LRP1B: variants seen among roughly 807,000 people sequenced by gnomAD.
LRP1B encodes LDL receptor related protein 1B.
A neutral mutation model predicts 556.6 loss-of-function variants in LRP1B; 217 were observed. That is an observed-to-expected ratio of 0.39 (90% CI 0.35 to 0.44). LRP1B has a LOEUF of 0.44. LRP1B is among the 20% of genes least tolerant of loss of function. The pLI is 1.00. For synonymous variants in LRP1B, 2,047 were observed against 1,865.8 expected, an observed-to-expected ratio of 1.10 and a Z score of -2.50; for missense variants, 5,053 against 5,620.8, an observed-to-expected ratio of 0.90 and a Z score of 3.23.
At chr2:141,219,018 A>T (rs1349606777) in intron 6 of LRP1B, among the ~76,000 whole-genome samples, 1 of 152,222 alleles carries the variant, frequency 6.6e-6, no homozygotes, top group East Asian at 1.9e-4. Context: ...CAAGGGAGGC[A>T]GTGAGTAACT....
intron 3 of LRP1B, among the ~76,000 whole-genome samples, chr2:141,328,316 A>G (rs1330811317): frequency 6.6e-6 from 1 of 152,110 alleles, no homozygotes; most frequent in Non-Finnish European, 1.5e-5. Context: ...AAAATCCAAA[A>G]GAAGGAAGCC....
At chr2:141,424,672 C>T (rs1264010621) in intron 3 of LRP1B, among the ~76,000 whole-genome samples, 1 of 152,098 alleles carries the variant, frequency 6.6e-6, no homozygotes, top group Non-Finnish European at 1.5e-5. Context: ...TTAATTCTAG[C>T]ACTATATTAA....
At chr2:141,353,753 C>T (rs1189491662) in intron 3 of LRP1B, among the ~76,000 whole-genome samples, 2 of 151,912 alleles carry the variant, frequency 1.3e-5, no homozygotes, top group Non-Finnish European at 2.9e-5. Context: ...CTTATACTTA[C>T]TCTTCAAGGG....
intron 2 of LRP1B, among the ~76,000 whole-genome samples, chr2:141,594,840 G>A (rs927390782): frequency 6.6e-6 from 1 of 152,002 alleles, no homozygotes; most frequent in Non-Finnish European, 1.5e-5. Flanking sequence ...TCTTAAATAT[G>A]AACAAAGATA....
rs66596182 is a variant in LRP1B, at chr2:140,291,298, T to TTATATATATATA, written c.12967+6498_12967+6509dup. On this transcript the variant is annotated intron_variant, in intron 84 of 90. Coordinates refer to ENST00000389484, the MANE Select transcript of LRP1B (RefSeq NM_018557.3). ...AGATACCACTTCAAGAAATTTTATT[T>TTATATATATATA]TATATATATATATATATATATTTTT... is the stretch of plus-strand genomic sequence containing the variant. 1.8e-4 allele frequency among the ~76,000 whole-genome samples: 13 copies of TTATATATATATA among 72,000 alleles called. 1 individual carries two copies. The highest frequency in any genetic ancestry group is 4.0e-4 in the East Asian group (1 of 2,470). 47.2% of individuals were successfully genotyped at this position (72,000 alleles called of 152,430 possible). A position where few individuals can be genotyped will look rare whatever the true frequency, so the allele number is the denominator to read the frequency against.
intron 43 of LRP1B, among the ~76,000 whole-genome samples, chr2:140,565,157 GTAA>G (rs1247639399): frequency 7.4e-6 from 1 of 135,536 alleles, no homozygotes; most frequent in African/African-American, 2.6e-5. Context: ...TGTTTATTAC[GTAA>G]TAATATATAA....
At chr2:141,510,234 A>ACAC (rs767916859) in intron 2 of LRP1B, among the ~76,000 whole-genome samples, 5 of 145,282 alleles carry the variant, frequency 3.4e-5, no homozygotes, top group Admixed American at 6.9e-5. Flanking sequence ...ACACACACAC[A>ACAC]CCCCCCACAG....
chr2:140,394,206 GTT>G (rs1684155004), intron 66 of LRP1B, among the ~76,000 whole-genome samples: 1 of 105,162 alleles, frequency 9.5e-6, no homozygotes, highest in Non-Finnish European at 2.0e-5. Context: ...TTTCATTTTT[GTT>G]TTGTTTTTTG....
At chr2:141,598,679 A>T (rs1037461207) in intron 2 of LRP1B, among the ~76,000 whole-genome samples, 1 of 152,156 alleles carries the variant, frequency 6.6e-6, no homozygotes, top group African/African-American at 2.4e-5. Flanking sequence ...TAATGAACTT[A>T]TATTTCTTTA....
intron 66 of LRP1B, among the ~76,000 whole-genome samples, chr2:140,419,487 A>T (rs1049054826): frequency 6.6e-6 from 1 of 152,238 alleles, no homozygotes; most frequent in African/African-American, 2.4e-5. Flanking sequence ...AGTCCACCCA[A>T]GAACATCATA....
intron 48 of LRP1B, 91 bp from the exon 49 acceptor site, chr2:140,526,084 T>C (rs1690419722): frequency 7.0e-7 from 1 of 1,423,212 alleles, no homozygotes; most frequent in Non-Finnish European, 9.7e-7. Context: ...AAAAGTTAAC[T>C]TCATTTGAGG....
chr2:141,828,805 G>T (rs1697018787), intron 1 of LRP1B, among the ~76,000 whole-genome samples: 1 of 152,032 alleles, frequency 6.6e-6, no homozygotes, highest in African/African-American at 2.4e-5. Context: ...AAGTTAACTG[G>T]TTAATCGGAA....
At chr2:141,476,475 G>A (rs1682709827) in intron 3 of LRP1B, among the ~76,000 whole-genome samples, 1 of 152,064 alleles carries the variant, frequency 6.6e-6, no homozygotes, top group African/African-American at 2.4e-5. Context: ...TGTGTAGAAA[G>A]AGATTAACTT....
intron 1 of LRP1B, among the ~76,000 whole-genome samples, chr2:141,842,093 T>C (rs1313846921): frequency 2.0e-5 from 3 of 152,254 alleles, no homozygotes; most frequent in Non-Finnish European, 4.4e-5. Context: ...AGTTGGTTGC[T>C]AACTGGACGA....
intron 7 of LRP1B, among the ~76,000 whole-genome samples, chr2:141,146,475 G>T (rs559957069): frequency 7.9e-5 from 12 of 152,206 alleles, no homozygotes; most frequent in African/African-American, 2.4e-4. Flanking sequence ...AGATTAACTG[G>T]CAATTTTTCA....
At chr2:140,805,976 T>C (rs2105019074) in intron 32 of LRP1B, among the ~76,000 whole-genome samples, 1 of 152,188 alleles carries the variant, frequency 6.6e-6, no homozygotes, top group African/African-American at 2.4e-5. Context: ...AATTGAAGAG[T>C]GGGATCTTTG....
intron 18 of LRP1B, among the ~76,000 whole-genome samples, chr2:140,979,537 G>A (rs1696702994): frequency 6.6e-6 from 1 of 152,036 alleles, no homozygotes; most frequent in Non-Finnish European, 1.5e-5. Context: ...TCCACATTCA[G>A]AGAATCATGT....
At chr2:140,311,759 T>C (rs909488837) in intron 83 of LRP1B, among the ~76,000 whole-genome samples, 8 of 151,872 alleles carry the variant, frequency 5.3e-5, no homozygotes, top group African/African-American at 1.9e-4. Flanking sequence ...TTAAGGGAGC[T>C]AGGATGCAAA....
At chr2:140,976,160 T>G (rs1183384688) in intron 18 of LRP1B, among the ~76,000 whole-genome samples, 2 of 152,022 alleles carry the variant, frequency 1.3e-5, no homozygotes, top group Non-Finnish European at 2.9e-5. Flanking sequence ...GCTCAAGTGA[T>G]CCACCTACAT....
Sources: allele counts gnomAD v4.1 joint callset (sites outside exome capture counted in the v4.1 genomes callset), GRCh38; gene constraint gnomAD v4.1.1; transcripts MANE v1.5; gene names NCBI Gene and HGNC (gene_info 2026-07-23, HGNC 2026-07-21).